Variants in PARP15 observed in about 807,000 individuals in gnomAD.
The protein encoded by PARP15 is protein mono-ADP-ribosyltransferase PARP15.
A neutral mutation model predicts 62.1 loss-of-function variants in PARP15; 50 were observed. The observed-to-expected ratio is 0.81, with a 90% CI of 0.64 to 1.02. The LOEUF (loss-of-function observed/expected upper bound fraction) is 1.02. PARP15 is among the 50% of genes least tolerant of loss of function. The pLI, the probability that PARP15 is intolerant of heterozygous loss-of-function variation, is 0.00. For missense variants in PARP15, 820 were observed against 826.5 expected, an observed-to-expected ratio of 0.99 and a Z score of 0.10; for synonymous variants, 309 against 293.1, an observed-to-expected ratio of 1.05 and a Z score of -0.55.
chr3:122,608,754 T>C (rs1398290878), intron 2 of PARP15, among the ~76,000 whole-genome samples: 1 of 151,692 alleles, frequency 6.6e-6, no homozygotes, highest in African/African-American at 2.4e-5. Context: ...GATTTAAACA[T>C]TACAACAAGG....
Position 122,605,999 on chromosome 3 carries a change from CA to C in PARP15, c.253del (p.Thr85ProfsTer5). On this transcript the variant is annotated frameshift_variant, in exon 2 of 12. Transcript: ENST00000464300. LOFTEE classifies it high-confidence loss of function. The part of the protein sequence containing the change: ...LSIRNVVASI[Q>X]TKEGLNLKLI... ...AATCAGGAATGTTGTAGCTTCAATC[CA>C]AACCAAAGAAGGTCTGAATCTCAAG... 6.4e-7 allele frequency: 1 copy of C among 1,551,948 alleles called. No homozygotes were observed. Among genetic ancestry groups the C allele is most frequent in the Non-Finnish European group, 8.7e-7 (1 of 1,146,966 alleles).
intron 1 of PARP15, among the ~76,000 whole-genome samples, chr3:122,600,174 C>T (rs770331641): frequency 6.6e-6 from 1 of 152,068 alleles, no homozygotes; most frequent in Non-Finnish European, 1.5e-5. Context: ...TCACCTCTGA[C>T]ATAAGAGTAC....
At chr3:122,617,940 C>A (rs1226569434) in intron 6 of PARP15, among the ~76,000 whole-genome samples, 1 of 152,082 alleles carries the variant, frequency 6.6e-6, no homozygotes, top group Non-Finnish European at 1.5e-5. Flanking sequence ...CCATGTTGGC[C>A]AAGCTGGTCT....
Position 122,626,865 on chromosome 3 carries a change from A to G in PARP15, c.1270A>G (p.Ile424Val), listed in dbSNP as rs1936763866. ...AAACCCTATCACAGTTGCTGATAAC[A>G]TAATCGATGCTATTGTAGACTTCTC... The part of the protein sequence containing the change: ...GKNPITVADN[I>V]IDAIVDFSSQ... Residue 424 changes from isoleucine (I) to valine (V), a missense_variant, in exon 9 of 12, where the codon ATA (isoleucine) becomes GTA (valine). Physicochemically the swap from Ile to Val is conservative, Grantham distance 29 (BLOSUM62 3). Around this residue, in one of 3 missense-constraint regions of PARP15, gnomAD observed 731 missense variants for 727.7 expected, o/e 1.00. Transcript: ENST00000464300. The G allele has an allele frequency of 1.2e-6, 2 of 1,613,402 alleles. No homozygotes were observed. The highest frequency in any genetic ancestry group is 3.3e-5 in the Admixed American group (2 of 59,898).
intron 1 of PARP15, among the ~76,000 whole-genome samples, chr3:122,603,338 C>G (rs1157007177): frequency 2.0e-5 from 3 of 151,966 alleles, no homozygotes; most frequent in Admixed American, 2.0e-4. Flanking sequence ...TACAACCACC[C>G]AGCTTACTCA....
intron 8 of PARP15, among the ~76,000 whole-genome samples, chr3:122,622,802 A>G (rs1411336138): frequency 1.3e-5 from 2 of 152,182 alleles, no homozygotes; most frequent in Non-Finnish European, 2.9e-5. Flanking sequence ...ATTCACATCC[A>G]TGTCCCCTGT....
intron 8 of PARP15, among the ~76,000 whole-genome samples, chr3:122,624,177 A>G (rs1261710262): frequency 6.6e-6 from 1 of 152,074 alleles, no homozygotes; most frequent in Non-Finnish European, 1.5e-5. Flanking sequence ...AGAAAGAAAA[A>G]ATAAATGCTT....
At position 122,621,495 on chromosome 3, in the gene PARP15, G is replaced by A. The variant is rs1203647089; in HGVS notation, c.1115G>A (p.Cys372Tyr). 1.2e-6 allele frequency: 2 copies of A among 1,613,664 alleles called. No individual in the cohort carries two copies. The highest frequency in any genetic ancestry group is 2.7e-5 in the African/African-American group (2 of 74,856). ...FIITPGGCLK[C>Y]KIIIHVPGGK... Reference sequence around the variant, plus strand: ...ATTACACCAGGTGGATGCTTAAAGTGCAAAATAATAATTCATGTTCCTGGG... The same window carrying A: ...ATTACACCAGGTGGATGCTTAAAGTACAAAATAATAATTCATGTTCCTGGG... The change falls in exon 8 of 12, where the codon TGC (cysteine) becomes TAC (tyrosine). Residue 372 changes from cysteine (C) to tyrosine (Y), a missense_variant. Transcript: ENST00000464300.
intron 10 of PARP15, among the ~76,000 whole-genome samples, chr3:122,634,423 A>C (rs1372120288): frequency 1.3e-5 from 2 of 152,214 alleles, no homozygotes; most frequent in African/African-American, 4.8e-5. Flanking sequence ...ATTTCCTAGG[A>C]GGAAGGAGAA....
At position 122,608,213 on chromosome 3, in the gene PARP15, CTTTTTTTTT is replaced by C. The variant is rs71136576; in HGVS notation, c.306+2171_306+2179del. 6.2e-3 allele frequency among the ~76,000 whole-genome samples: 709 copies of C among 113,902 alleles called. 4 individuals are homozygous for C. Among genetic ancestry groups the C allele is most frequent in the African/African-American group, 0.023 (674 of 29,350 alleles). The allele number at this position is 113,902 out of a possible 152,430, so 74.7% of individuals were successfully genotyped here. On this transcript the variant is annotated intron_variant, in intron 2 of 11. Transcript: ENST00000464300. The stretch of plus-strand genomic sequence containing the variant: ...TGCTTTCTTTTTTTCTTTCTCTTTT[CTTTTTTTTT>C]TTTTTTTTTTTTGATACTGAGTCTT...
In PARP15 at chr3:122,635,949, G is replaced by A. The variant is rs145474072; in HGVS notation, c.1886G>A (p.Arg629His). The A allele has an allele frequency of 1.7e-5, 27 of 1,614,094 alleles. No homozygotes were observed. Among genetic ancestry groups the A allele is most frequent in the Non-Finnish European group, 2.2e-5 (26 of 1,180,010 alleles). ...CTTACTGGAGTCTTCACAAAGGGAC[G>A]TGCAGGATTAGTCACCCCTCCACCC... ...RVLTGVFTKG[R>H]AGLVTPPPKN... The change falls in exon 12 of 12, where the codon CGT becomes CAT. Residue 629 changes from arginine (R) to histidine (H), a missense_variant. Transcript: ENST00000464300.
At chr3:122,608,213 C>CTTTTTTTTTTTTT (rs71136576) in intron 2 of PARP15, among the ~76,000 whole-genome samples, 10 of 113,916 alleles carry the variant, frequency 8.8e-5, no homozygotes, top group Non-Finnish European at 1.3e-4. Flanking sequence ...TTTCTCTTTT[C>CTTTTTTTTTTTTT]TTTTTTTTTT....
chr3:122,627,166 A>G, intron 9 of PARP15, 133 bp downstream of exon 9: 6 of 777,184 alleles, frequency 7.7e-6, no homozygotes, highest in Non-Finnish European at 1.2e-5. Context: ...CTTATGATCC[A>G]TGGGAAAAGT....
intron 9 of PARP15, among the ~76,000 whole-genome samples, chr3:122,629,276 C>T (rs1936919760): frequency 6.6e-6 from 1 of 152,168 alleles, no homozygotes; most frequent in East Asian, 1.9e-4. Flanking sequence ...AGTTCTCTTG[C>T]CTCAGCCTCC....
At chr3:122,591,424 C>T (rs1933898558) in intron 1 of PARP15, among the ~76,000 whole-genome samples, 1 of 152,166 alleles carries the variant, frequency 6.6e-6, no homozygotes, top group Non-Finnish European at 1.5e-5. Flanking sequence ...CCAATTGTGA[C>T]TTCAGGGTGG....
chr3:122,610,338 A>G (rs1315949334), intron 2 of PARP15, among the ~76,000 whole-genome samples, 156 bp from the exon 3 acceptor site: 1 of 152,220 alleles, frequency 6.6e-6, no homozygotes. Flanking sequence ...TTTCAGTGCT[A>G]ACAATAGACT....
intron 1 of PARP15, among the ~76,000 whole-genome samples, chr3:122,600,463 C>T (rs1934700342): frequency 6.6e-6 from 1 of 152,146 alleles, no homozygotes; most frequent in Admixed American, 6.6e-5. Context: ...TAGTAGAAAT[C>T]ATTCCTTCAT....
Position 122,635,189 on chromosome 3 carries a change from A to G in PARP15, c.1742A>G (p.Lys581Arg). 2 of 1,612,946 alleles carry G rather than the reference A, an allele frequency of 1.2e-6. No individual in the cohort carries two copies. Among genetic ancestry groups the G allele is most frequent in the Non-Finnish European group, 1.7e-6 (2 of 1,179,564 alleles). Residue 581 changes from lysine to arginine, a missense_variant, in exon 11 of 12, where the codon AAA (lysine) becomes AGA (arginine). Around this residue, in one of 3 missense-constraint regions of PARP15, gnomAD observed 731 missense variants for 727.7 expected, o/e 1.00. Coordinates refer to ENST00000464300, the MANE Select transcript of PARP15 (RefSeq NM_001113523.3). ...QHGFNRSCAG[K>R]NAVSYGKGTY... ...GGCTTTAATAGAAGTTGTGCTGGGA[A>G]AAATGGTAAGGAAGCAAGTAATTTG...
At chr3:122,583,480 T>C (rs1395139096) in intron 1 of PARP15, among the ~76,000 whole-genome samples, 1 of 152,150 alleles carries the variant, frequency 6.6e-6, no homozygotes, top group Non-Finnish European at 1.5e-5. Context: ...CATTATGCAT[T>C]ATATATTGCT....
Sources: gnomAD v4.1 joint callset for allele counts (sites outside exome capture counted in the v4.1 genomes callset) on GRCh38, gnomAD v4.1.1 for gene constraint, gnomAD v4.1.1 regional missense constraint, MANE v1.5 for transcripts, NCBI Gene and HGNC (gene_info 2026-07-23, HGNC 2026-07-21) for gene names.